PDE11A: variants seen among roughly 807,000 people sequenced by gnomAD.
PDE11A encodes dual 3',5'-cyclic-AMP and -GMP phosphodiesterase 11A.
PDE11A carries 100 observed loss-of-function variants against 100.5 expected under a neutral mutation model. The ratio of observed to expected loss-of-function variants is 1.00; its 90% CI spans 0.85 to 1.18. The LOEUF (loss-of-function observed/expected upper bound fraction) is 1.18, where lower values mean the gene tolerates loss of function less well. Ranked by LOEUF, PDE11A falls within the 50% of genes most tolerant of loss-of-function variation. The pLI, the probability that PDE11A is intolerant of heterozygous loss-of-function variation, is 0.00. For synonymous variants in PDE11A, 381 were observed against 420.8 expected (o/e 0.91, Z 1.16); for missense variants, 1,141 against 1,152.6 (o/e 0.99, Z 0.15).
intron 2 of PDE11A, chr2:177,922,685 A>G: frequency 1.0e-6 from 1 of 984,286 alleles, no homozygotes; most frequent in Non-Finnish European, 1.2e-6. Context: ...CCACTCCCTC[A>G]CCCCCACTCC....
At chr2:177,638,015 T>TGAGATGGAGTC (rs2080074605) in intron 19 of PDE11A, among the ~76,000 whole-genome samples, 1 of 132,002 alleles carries the variant, frequency 7.6e-6, no homozygotes, top group Admixed American at 7.7e-5. Flanking sequence ...TTTTTTTTTT[T>TGAGATGGAGTC]TTGAGATGGA....
chr2:177,856,049 C>T (rs1043102471), intron 5 of PDE11A, among the ~76,000 whole-genome samples: 1 of 151,958 alleles, frequency 6.6e-6, no homozygotes, highest in African/African-American at 2.4e-5. Context: ...AGTAAAATCC[C>T]TGTCAGAGGA....
chr2:177,947,776 T>G (rs1393763127), intron 2 of PDE11A, among the ~76,000 whole-genome samples: 1 of 24,224 alleles, frequency 4.1e-5, no homozygotes, highest in African/African-American at 1.5e-4. Context: ...AAAAATAAAT[T>G]TAAAAAAATA....
chr2:177,870,540 G>A (rs916738640), intron 5 of PDE11A, among the ~76,000 whole-genome samples: 5 of 152,190 alleles, frequency 3.3e-5, no homozygotes, highest in African/African-American at 1.2e-4. Flanking sequence ...TTAAGTGTGA[G>A]AAAAAGTGCC....
chr2:177,863,320 G>C (rs140898000), intron 5 of PDE11A, among the ~76,000 whole-genome samples: 30 of 151,878 alleles, frequency 2.0e-4, no homozygotes, highest in African/African-American at 7.0e-4. Flanking sequence ...AAAAGCAAAA[G>C]TAAATAAATG....
intron 2 of PDE11A, among the ~76,000 whole-genome samples, chr2:177,955,075 C>A (rs756907081): frequency 2.0e-5 from 3 of 152,126 alleles, no homozygotes; most frequent in African/African-American, 4.8e-5. Context: ...TCTCTGTGAT[C>A]AATTCTCTAG....
At chr2:178,018,428 G>T in intron 1 of PDE11A, 1 of 487,920 alleles carries the variant, frequency 2.0e-6, no homozygotes, top group East Asian at 5.6e-5. Context: ...CATGATGGGG[G>T]CATCTGGAAA....
chr2:177,770,385 T>C (rs1018936586), intron 9 of PDE11A, among the ~76,000 whole-genome samples: 1 of 152,236 alleles, frequency 6.6e-6, no homozygotes, highest in Non-Finnish European at 1.5e-5. Flanking sequence ...TGAGTGAGAA[T>C]CAACTTTTGC....
At chr2:177,681,612 A>G (rs943191725) in intron 15 of PDE11A, among the ~76,000 whole-genome samples, 1 of 152,238 alleles carries the variant, frequency 6.6e-6, no homozygotes, top group Admixed American at 6.5e-5. Flanking sequence ...GCTTGACACT[A>G]TAAACCAAAA....
At chr2:178,085,337 A>G (rs539523782) in intron 2 of PDE11A, among the ~76,000 whole-genome samples, 45 of 152,286 alleles carry the variant, frequency 3.0e-4, no homozygotes, top group South Asian at 1.7e-3. Context: ...ACAATACCTT[A>G]AACAGGTAAA....
intron 5 of PDE11A, among the ~76,000 whole-genome samples, chr2:177,863,458 T>G (rs1179997345): frequency 4.6e-5 from 7 of 151,950 alleles, no homozygotes; most frequent in African/African-American, 1.7e-4. Context: ...CATTCAAAAT[T>G]TATAAAGAAC....
In PDE11A at chr2:177,623,809, A is replaced by G. The variant is rs766578163; in HGVS notation, c.*5598T>C. On this transcript the variant is annotated 3_prime_UTR_variant, in exon 20 of 20. Coordinates refer to ENST00000286063, the MANE Select transcript of PDE11A (RefSeq NM_016953.4). ...TGTAGTTATGTTATACAGATAAACA[A>G]TTTATCTTTAGCAGTGAGGAGAGAG... 6.6e-6 allele frequency: 1 copy of G among 152,252 alleles called. No individual in the cohort carries two copies. The highest frequency in any genetic ancestry group is 1.5e-5 in the Non-Finnish European group (1 of 68,050). The allele number at this position is 152,252 out of a possible 1,614,324, so 9.4% of individuals were successfully genotyped here.
intron 13 of PDE11A, among the ~76,000 whole-genome samples, chr2:177,707,976 C>A (rs758842801): frequency 6.6e-6 from 1 of 152,008 alleles, no homozygotes; most frequent in African/African-American, 2.4e-5. Context: ...TGGTAGGGGG[C>A]TGGAGAGAGC....
At chr2:177,653,520 T>C (rs1044825464) in intron 19 of PDE11A, among the ~76,000 whole-genome samples, 29 of 152,176 alleles carry the variant, frequency 1.9e-4, no homozygotes, top group East Asian at 1.7e-3. Flanking sequence ...TGTTTGGAAA[T>C]AGGGTCTTTG....
intron 2 of PDE11A, among the ~76,000 whole-genome samples, chr2:178,090,233 G>T (rs2087404851): frequency 6.6e-6 from 1 of 152,074 alleles, no homozygotes; most frequent in East Asian, 1.9e-4. Flanking sequence ...TCCTAAAATG[G>T]ATTTAAGCCT....
intron 5 of PDE11A, among the ~76,000 whole-genome samples, chr2:177,853,237 C>T (rs2083747351): frequency 6.6e-6 from 1 of 151,640 alleles, no homozygotes; most frequent in African/African-American, 2.4e-5. Flanking sequence ...TAATGGAAAA[C>T]ATGGGAAATA....
chr2:177,902,867 T>C (rs1240572235), intron 3 of PDE11A, among the ~76,000 whole-genome samples: 1 of 152,172 alleles, frequency 6.6e-6, no homozygotes. Flanking sequence ...GTCCCAGCCA[T>C]ATTATTTTTT....
chr2:177,769,366 G>T lies in PDE11A; in HGVS notation c.1745C>A (p.Ser582Ter). 6.4e-7 allele frequency: 1 copy of T among 1,573,542 alleles called. No individual in the cohort carries two copies. The highest frequency in any genetic ancestry group is 8.7e-7 in the Non-Finnish European group (1 of 1,143,162). Residue 582 changes from serine to a stop codon, truncating the protein, a stop_gained, in exon 10 of 20, where the codon TCA becomes TAA. Transcript: ENST00000286063. LOFTEE classifies it high-confidence loss of function. ...AGCTTTTGAACATGTTGCATGGTAT[G>T]ATAGCACCTGATTCAGAAGAAAAAA... The part of the protein sequence containing the change: ...AKQSVALDVL[S>*]YHATCSKAEV...
chr2:177,701,255 TC>T (rs766975783), intron 13 of PDE11A, 44 bp from the exon 14 acceptor site: 14 of 931,920 alleles, frequency 1.5e-5, no homozygotes, highest in Non-Finnish European at 2.1e-5. Context: ...TATCGATGGT[TC>T]CCCCACACCA....
Sources: gnomAD v4.1 joint callset for allele counts (sites outside exome capture counted in the v4.1 genomes callset) on GRCh38, gnomAD v4.1.1 for gene constraint, MANE v1.5 for transcripts, NCBI Gene and HGNC (gene_info 2026-07-23, HGNC 2026-07-21) for gene names.